Variants in MTERF4 observed in about 807,000 individuals in gnomAD.
MTERF4 encodes the protein mitochondrial transcription termination factor 4, also known as transcription termination factor 4, mitochondrial.
MTERF4 carries 17 observed loss-of-function variants against 22.5 expected under a neutral mutation model. The ratio of observed to expected loss-of-function variants is 0.75; its 90% CI spans 0.52 to 1.13. The LOEUF is 1.13. MTERF4 is among the 50% of genes most tolerant of loss of function. The probability of loss-of-function intolerance (pLI) is 0.00; values close to 1 mark genes in which losing one functional copy is unlikely to be tolerated. For missense variants in MTERF4, 420 were observed against 466.8 expected (o/e 0.90, Z 0.92); for synonymous variants, 165 against 175.3 (o/e 0.94, Z 0.47).
At chr2:241,052,652 TA>T in the MTERF4 span, among the ~76,000 whole-genome samples, 1 of 67,356 alleles carries the variant, frequency 1.5e-5, no homozygotes. Flanking sequence ...CCAAGCAGGG[TA>T]CATGGGACAC....
At chr2:241,088,472 G>A (rs911372959), downstream of MTERF4, 21 of 1,300,398 alleles carry the variant, frequency 1.6e-5, no homozygotes, top group East Asian at 2.3e-5. Context: ...GCCCAGCCCC[G>A]GGATCTCAGA....
chr2:241,063,762 A>T, the MTERF4 span: 1 of 1,220,204 alleles, frequency 8.2e-7, no homozygotes, highest in South Asian at 1.3e-5. Flanking sequence ...ATCAGAGAGG[A>T]GGTGGGGCAT....
Position 241,073,454 on chromosome 2 carries a change from G to A in MTERF4, n.2708C>T. 9.8e-7 allele frequency: 1 copy of A among 1,022,924 alleles called. No individual in the cohort carries two copies. The highest frequency in any genetic ancestry group is 1.5e-6 in the Non-Finnish European group (1 of 665,966). 63.4% of individuals were successfully genotyped at this position (1,022,924 alleles called of 1,614,324 possible). ...GCAGGCAGGAGGGACCACCCACGGT[G>A]AGGAATCAGGAGGCACAGAGCCTAC... is the stretch of plus-strand genomic sequence containing the variant. On this transcript the variant is annotated non_coding_transcript_exon_variant, in exon 5 of 5. Transcript: ENST00000464344. This position sits in a 1 kb window ranked among gnomAD's most constrained non-coding sequence, Gnocchi z 6.6.
chr2:241,070,992 C>T (rs1412070301), downstream of MTERF4, among the ~76,000 whole-genome samples: 1 of 152,192 alleles, frequency 6.6e-6, no homozygotes. Context: ...CCAACCCTGC[C>T]ACCCCCACCA....
At chr2:241,101,062 G>A (rs1426589207) in intron 1 of MTERF4, 6 of 430,374 alleles carry the variant, frequency 1.4e-5, no homozygotes, top group Admixed American at 7.3e-5. Flanking sequence ...TCCACAGACT[G>A]GTGAGGGGTT....
Position 241,096,038 on chromosome 2 carries a change from T to G in MTERF4, c.1106A>C (p.Glu369Ala), listed in dbSNP as rs2125379031. ...GTCGTCCTCATCCTCATCATTGTCC[T>G]CCGCCTCGTCGTCGTCCTCATCATC... Reference protein sequence around the residue: ...DDDDEDDDEAEDNDEDEDDDE... With the variant: ...DDDDEDDDEAADNDEDEDDDE... The change falls in exon 4 of 4, where the codon GAG (glutamate) becomes GCG (alanine). Residue 369 changes from glutamate (E) to alanine (A), a missense_variant. Glu to Ala is a moderately radical substitution (Grantham distance 107). Transcript: ENST00000391980. The surrounding 1 kb of genome is among the most constrained non-coding windows in gnomAD (Gnocchi z 5.1). The G allele has an allele frequency of 1.2e-6, 2 of 1,613,306 alleles. No individual in the cohort carries two copies. Among genetic ancestry groups the G allele is most frequent in the Admixed American group, 3.3e-5 (2 of 59,992 alleles).
chr2:241,070,304 A>G, downstream of MTERF4: 1 of 1,243,874 alleles, frequency 8.0e-7, no homozygotes, highest in Non-Finnish European at 1.1e-6. Flanking sequence ...TGCCAGGCAG[A>G]CAGCCTAGAA....
the MTERF4 span, chr2:241,052,303 C>A: frequency 1.3e-6 from 2 of 1,505,014 alleles, no homozygotes; most frequent in Non-Finnish European, 1.8e-6. Context: ...CCCACACAGT[C>A]CCGAGCCTTC....
At chr2:241,076,683 T>C (rs1031884404) in intron 4 of MTERF4, among the ~76,000 whole-genome samples, 1 of 151,880 alleles carries the variant, frequency 6.6e-6, no homozygotes, top group African/African-American at 2.4e-5. Context: ...CTGGCCAACA[T>C]GGTGAAACCT....
downstream of MTERF4, chr2:241,070,284 G>A: frequency 7.1e-7 from 1 of 1,404,604 alleles, no homozygotes; most frequent in Non-Finnish European, 9.5e-7. Flanking sequence ...GGCCCTGCAG[G>A]GGCCTGGGAT....
Position 241,101,137 on chromosome 2 carries a change from A to G in MTERF4, c.21+1116T>C, listed in dbSNP as rs937704475. The G allele has an allele frequency of 3.5e-5, 16 of 461,878 alleles. No individual in the cohort carries two copies. The East Asian group carries it at 4.9e-4, about 14-fold the overall frequency. 28.6% of individuals were successfully genotyped at this position (461,878 alleles called of 1,614,324 possible). ...ATTTCTGTTATTTTCACGTTGTAAT[A>G]TAAGATGAAATAATTATACAACTCA... On this transcript the variant is annotated intron_variant, in intron 1 of 3. Coordinates refer to ENST00000391980, the MANE Select transcript of MTERF4 (RefSeq NM_182501.4).
chr2:241,082,416 T>C (rs1198455382), downstream of MTERF4: 29 of 1,407,170 alleles, frequency 2.1e-5, no homozygotes, highest in Non-Finnish European at 2.4e-5. Flanking sequence ...TGTTCTTGAC[T>C]CCTCAAAGTG....
downstream of MTERF4, chr2:241,094,443 CA>C: frequency 2.1e-6 from 1 of 470,474 alleles, no homozygotes; most frequent in Non-Finnish European, 4.4e-6. This position sits in a 1 kb window ranked among gnomAD's most constrained non-coding sequence, Gnocchi z 4.3. Flanking sequence ...CTGGAGAAAA[CA>C]AAAGCACCTA....
the MTERF4 span, chr2:241,062,847 G>C: frequency 6.2e-7 from 1 of 1,611,702 alleles, no homozygotes; most frequent in East Asian, 2.2e-5. Flanking sequence ...TCAGGACCGC[G>C]TTGCTGGGTA....
At chr2:241,071,399 G>A (rs1185787233), downstream of MTERF4, 6 of 681,708 alleles carry the variant, frequency 8.8e-6, no homozygotes, top group East Asian at 2.7e-5. Context: ...GGGCTGGAAG[G>A]GAACCCAGGG....
At chr2:241,078,618 G>C (rs370927618) in intron 4 of MTERF4, among the ~76,000 whole-genome samples, 1 of 151,692 alleles carries the variant, frequency 6.6e-6, no homozygotes, top group African/African-American at 2.4e-5. Flanking sequence ...GTACATTAGC[G>C]GTTGCTCAGG....
chr2:241,052,674 C>T, the MTERF4 span, among the ~76,000 whole-genome samples: 1 of 58,208 alleles, frequency 1.7e-5, no homozygotes, highest in Admixed American at 2.1e-4. Flanking sequence ...CGGTGCCAGG[C>T]AGGTGAGAGG....
At chr2:241,061,339 T>C in the MTERF4 span, among the ~76,000 whole-genome samples, 1 of 152,118 alleles carries the variant, frequency 6.6e-6, no homozygotes, top group Admixed American at 6.5e-5. Context: ...GCTGGTAAAT[T>C]TTCAGAAGTC....
chr2:241,092,427 A>G (rs547806340), downstream of MTERF4: 3 of 152,318 alleles, frequency 2.0e-5, no homozygotes, highest in African/African-American at 7.2e-5. This position sits in a 1 kb window ranked among gnomAD's most constrained non-coding sequence, Gnocchi z 4.6. Flanking sequence ...CTTATTTACA[A>G]TAACAGGTGG....
Sources: gnomAD v4.1 joint callset for allele counts (sites outside exome capture counted in the v4.1 genomes callset) on GRCh38, gnomAD v4.1.1 for gene constraint, Gnocchi (gnomAD v3.1) non-coding constraint, MANE v1.5 for transcripts, NCBI Gene and HGNC (gene_info 2026-07-23, HGNC 2026-07-21) for gene names.